Variants in STARD13 observed in about 807,000 individuals in gnomAD.
STARD13 encodes stAR-related lipid transfer protein 13.
Under a neutral mutation model 106.4 loss-of-function variants are expected in STARD13, and 62 were observed. The observed-to-expected ratio is 0.58, with a 90% CI of 0.48 to 0.72. The LOEUF (loss-of-function observed/expected upper bound fraction) is 0.72. Ranked by LOEUF, STARD13 falls within the 30% of genes least tolerant of loss-of-function variation. The probability of loss-of-function intolerance (pLI) is 0.00; values close to 1 mark genes in which losing one functional copy is unlikely to be tolerated. For synonymous variants in STARD13, 565 were observed against 553.0 expected, an observed-to-expected ratio of 1.02 and a Z score of -0.31; for missense variants, 1,387 against 1,424.0, an observed-to-expected ratio of 0.97 and a Z score of 0.42.
chr13:33,358,627 G>A, the STARD13 span, among the ~76,000 whole-genome samples: 7 of 151,354 alleles, frequency 4.6e-5, no homozygotes, highest in Non-Finnish European at 8.8e-5. Flanking sequence ...CTCAGGGACT[G>A]TGAATACACC....
upstream of STARD13, among the ~76,000 whole-genome samples, chr13:33,352,259 C>T (rs927393352): frequency 6.6e-6 from 1 of 152,166 alleles, no homozygotes; most frequent in Non-Finnish European, 1.5e-5. Context: ...ACAAAATGCT[C>T]TGCAAAGAAC....
At chr13:33,584,660 G>A in the STARD13 span, among the ~76,000 whole-genome samples, 3 of 152,146 alleles carry the variant, frequency 2.0e-5, no homozygotes, top group African/African-American at 7.2e-5. Context: ...TGCTGAATTT[G>A]AGCAATAGGA....
chr13:33,201,347 A>G (rs1372409065), intron 1 of STARD13, among the ~76,000 whole-genome samples: 1 of 152,206 alleles, frequency 6.6e-6, no homozygotes, highest in Non-Finnish European at 1.5e-5. Context: ...TGTTCAACTG[A>G]CTACATGAAC....
chr13:33,663,086 T>G, the STARD13 span, among the ~76,000 whole-genome samples: 679 of 152,304 alleles, frequency 4.5e-3, 6 homozygotes, highest in African/African-American at 0.016. Flanking sequence ...AATATTACTT[T>G]CTTTTTTTTG....
intron 1 of STARD13, among the ~76,000 whole-genome samples, chr13:33,247,163 C>T (rs1225184146): frequency 1.3e-5 from 2 of 151,930 alleles, no homozygotes; most frequent in African/African-American, 2.4e-5. Flanking sequence ...CACCACTGCA[C>T]TCCAGCCTGG....
intron 1 of STARD13, among the ~76,000 whole-genome samples, chr13:33,245,579 A>G (rs1003221109): frequency 3.3e-5 from 5 of 152,208 alleles, no homozygotes; most frequent in African/African-American, 4.8e-5. Flanking sequence ...CTTATTTTTT[A>G]TGGCAAACTA....
At chr13:33,213,594 G>A (rs371614196) in intron 1 of STARD13, among the ~76,000 whole-genome samples, 50 of 152,328 alleles carry the variant, frequency 3.3e-4, no homozygotes, top group Non-Finnish European at 4.7e-4. Flanking sequence ...TTCAACAGCC[G>A]CAGACCAGGG....
At chr13:33,669,512 T>C in the STARD13 span, among the ~76,000 whole-genome samples, 2 of 150,772 alleles carry the variant, frequency 1.3e-5, no homozygotes, top group East Asian at 3.9e-4. Flanking sequence ...CTAACTGCTA[T>C]GATAAGAAGA....
the STARD13 span, among the ~76,000 whole-genome samples, chr13:33,468,109 G>A: frequency 3.1e-3 from 479 of 152,222 alleles, 1 homozygote; most frequent in Non-Finnish European, 4.9e-3. Flanking sequence ...CCAGGACCCC[G>A]GTTCTAATCC....
At chr13:33,516,210 T>C in the STARD13 span, among the ~76,000 whole-genome samples, 4 of 148,126 alleles carry the variant, frequency 2.7e-5, no homozygotes, top group South Asian at 2.1e-4. Context: ...TATGTCATAA[T>C]ATATATTCAG....
At chr13:33,147,117 T>C (rs557352101) in intron 3 of STARD13, among the ~76,000 whole-genome samples, 1 of 152,282 alleles carries the variant, frequency 6.6e-6, no homozygotes, top group East Asian at 1.9e-4. Context: ...AGACAGTCAG[T>C]AGTAATTAGT....
At chr13:33,196,120 C>T (rs931504780) in intron 1 of STARD13, among the ~76,000 whole-genome samples, 13 of 152,220 alleles carry the variant, frequency 8.5e-5, no homozygotes, top group Non-Finnish European at 1.9e-4. Flanking sequence ...TGCAGTGGCT[C>T]ACGCCTGTAA....
At chr13:33,142,439 T>C in intron 3 of STARD13, 66 bp from the exon 4 acceptor site, 1 of 1,401,316 alleles carries the variant, frequency 7.1e-7, no homozygotes, top group Non-Finnish European at 1.0e-6. Flanking sequence ...AGTTTGATAA[T>C]CCTCCTTTAT....
intron 1 of STARD13, among the ~76,000 whole-genome samples, chr13:33,241,308 G>A (rs1444253332): frequency 6.6e-6 from 1 of 152,100 alleles, no homozygotes; most frequent in African/African-American, 2.4e-5. Context: ...GGAACCTAGT[G>A]AATGTTTAAA....
At chr13:33,271,003 G>A (rs1485180993) in intron 1 of STARD13, among the ~76,000 whole-genome samples, 1 of 152,156 alleles carries the variant, frequency 6.6e-6, no homozygotes, top group Non-Finnish European at 1.5e-5. Flanking sequence ...GTAAATAGCA[G>A]TCAAGAAGCC....
chr13:33,547,085 A>C, the STARD13 span, among the ~76,000 whole-genome samples: 1 of 152,240 alleles, frequency 6.6e-6, no homozygotes, highest in Admixed American at 6.5e-5. Context: ...AAGTATTCAC[A>C]AAATAGTCAT....
chr13:33,614,328 A>G, the STARD13 span, among the ~76,000 whole-genome samples: 1 of 148,428 alleles, frequency 6.7e-6, no homozygotes. Flanking sequence ...AGTCTTTCCT[A>G]CTGTCTGTGA....
At chr13:33,503,940 C>A in the STARD13 span, among the ~76,000 whole-genome samples, 1 of 152,094 alleles carries the variant, frequency 6.6e-6, no homozygotes, top group South Asian at 2.1e-4. Context: ...AAAAAGTGGG[C>A]AAAGTATATG....
the STARD13 span, among the ~76,000 whole-genome samples, chr13:33,389,242 G>A: frequency 6.6e-6 from 1 of 152,028 alleles, no homozygotes; most frequent in Admixed American, 6.5e-5. Flanking sequence ...ACAGGCTTGA[G>A]CCACCGCACC....
Sources: allele counts gnomAD v4.1 joint callset (sites outside exome capture counted in the v4.1 genomes callset), GRCh38; gene constraint gnomAD v4.1.1; transcripts MANE v1.5; gene names NCBI Gene and HGNC (gene_info 2026-07-23, HGNC 2026-07-21).